MPP2: variants seen among roughly 807,000 people sequenced by gnomAD.
MPP2 encodes the protein MAGUK p55 subfamily member 2.
A neutral mutation model predicts 58.5 loss-of-function variants in MPP2; 42 were observed. The ratio of observed to expected loss-of-function variants is 0.72; its 90% CI spans 0.56 to 0.93. The LOEUF is 0.93. Among genes scored for constraint, MPP2 ranks in the 40% least tolerant of loss-of-function variants. The pLI is 0.00. For missense variants in MPP2, 632 were observed against 760.4 expected (o/e 0.83, Z 1.99); for synonymous variants, 300 against 307.8 (o/e 0.97, Z 0.26).
intron 2 of MPP2, chr17:43,901,563 G>A (rs945840775): frequency 9.1e-6 from 9 of 985,444 alleles, no homozygotes; most frequent in Admixed American, 1.2e-4. Context: ...GCACCAGGTC[G>A]CATTGCACCC....
chr17:43,903,570 C>T (rs2048180123), intron 2 of MPP2, among the ~76,000 whole-genome samples: 1 of 152,030 alleles, frequency 6.6e-6, no homozygotes, highest in Non-Finnish European at 1.5e-5. Flanking sequence ...ACCTGTAGTC[C>T]CAGCTACTTG....
At chr17:43,896,439 T>G (rs1045978901) in intron 3 of MPP2, among the ~76,000 whole-genome samples, 4 of 152,030 alleles carry the variant, frequency 2.6e-5, no homozygotes, top group Non-Finnish European at 5.9e-5. Context: ...GACCTTGGTC[T>G]TTTTCTCTTC....
chr17:43,880,871 C>T lies in MPP2; in HGVS notation c.989-19G>A, dbSNP rs758824132. On this transcript the variant is annotated intron_variant, in intron 9 of 12. Coordinates refer to ENST00000269095, the MANE Select transcript of MPP2 (RefSeq NM_005374.5). The surrounding 1 kb of genome is among the most constrained non-coding windows in gnomAD (Gnocchi z 5.2). ...TCAAACTCTGGACACAGGGAGATGG[C>T]GCTGCTCACCAGGCTGCACGGTGAG... The T allele has an allele frequency of 5.0e-6, 8 of 1,584,428 alleles. No individual in the cohort carries two copies. The highest frequency in any genetic ancestry group is 3.5e-5 in the South Asian group (3 of 86,834).
rs753599692 is a variant in MPP2 at position 43,879,969 on chromosome 17, G to A, written c.1166C>T (p.Pro389Leu). 4.3e-5 allele frequency: 69 copies of A among 1,613,894 alleles called. No homozygotes were observed. The highest frequency in any genetic ancestry group is 5.0e-5 in the Non-Finnish European group (59 of 1,179,994). Residue 389 changes from proline (P) to leucine (L), a missense_variant, in exon 11 of 13, where the codon CCG (proline) becomes CTG (leucine). Pro to Leu is a moderately conservative substitution (Grantham distance 98, BLOSUM62 -3). Coordinates refer to ENST00000269095, the MANE Select transcript of MPP2 (RefSeq NM_005374.5). This position sits in a 1 kb window ranked among gnomAD's most constrained non-coding sequence, Gnocchi z 4.1. The stretch of plus-strand genomic sequence containing the variant: ...CTGACCTTCCCGCTCTGAGTCTTTC[G>A]GCCGCCGGGAGGTGTCTAGGGGGAT... ...GTTVPYTSRR[P>L]KDSEREGQGY... is the part of the protein sequence containing the mutation.
Position 43,882,213 on chromosome 17 carries a change from G to A in MPP2, c.681+71C>T, listed in dbSNP as rs555656219. 2.2e-5 allele frequency: 31 copies of A among 1,413,124 alleles called. 1 individual carries two copies. The Admixed American group carries it at 4.3e-4, about 19-fold the overall frequency. The allele number at this position is 1,413,124 out of a possible 1,614,324, so 87.5% of individuals were successfully genotyped here. A position where few individuals can be genotyped will look rare whatever the true frequency, so the allele number is the denominator to read the frequency against. ...AAACCAGTAGGAGAGGAGGGCCTCC[G>A]TGAGACCTGCAACCTTGACAGCCAG... On this transcript the variant is annotated intron_variant, in intron 6 of 12. Coordinates refer to ENST00000269095, the MANE Select transcript of MPP2 (RefSeq NM_005374.5).
intron 3 of MPP2, among the ~76,000 whole-genome samples, chr17:43,885,710 A>G (rs571210962): frequency 1.3e-5 from 2 of 152,316 alleles, no homozygotes; most frequent in Admixed American, 6.5e-5. Flanking sequence ...TCACAAATCT[A>G]TTAGTAAAAA....
At chr17:43,898,198 C>T (rs758254308) in intron 3 of MPP2, 64 bp downstream of exon 3, 2 of 1,241,088 alleles carry the variant, frequency 1.6e-6, no homozygotes, top group South Asian at 1.2e-5. Flanking sequence ...TAGCTAATAC[C>T]CCATCCCCTA....
intron 2 of MPP2, among the ~76,000 whole-genome samples, chr17:43,899,449 C>T (rs1038651061): frequency 5.9e-5 from 9 of 152,164 alleles, no homozygotes; most frequent in African/African-American, 2.2e-4. Context: ...AGTCTAAGCA[C>T]CACTAATTCA....
chr17:43,882,969 G>T lies in MPP2; in HGVS notation c.387C>A (p.Ser129Arg), dbSNP rs761326322. ...CAGCATCGGGAGGTACAGGCTGGTT[G>T]CTGAATGTAGGGTCCAGGCCAGGGC... ...PPSPGLDPTFSNQPVPPDAVR... is the reference protein window; with the variant it reads ...PPSPGLDPTFRNQPVPPDAVR... Residue 129 changes from serine (S) to arginine (R), a missense_variant, in exon 5 of 13, where the codon AGC becomes AGA. Coordinates refer to ENST00000269095, the MANE Select transcript of MPP2 (RefSeq NM_005374.5). 2.5e-6 allele frequency: 4 copies of T among 1,614,046 alleles called. No individual in the cohort carries two copies. In the African/African-American group the frequency reaches 4.0e-5, roughly 16 times the overall value.
At chr17:43,891,962 T>A (rs2047625685) in intron 3 of MPP2, among the ~76,000 whole-genome samples, 1 of 152,224 alleles carries the variant, frequency 6.6e-6, no homozygotes, top group Admixed American at 6.5e-5. Context: ...AATTTCTGAA[T>A]GTCCCCTGCC....
At chr17:43,881,417 T>C (rs543822481) in intron 7 of MPP2, 41 bp downstream of exon 7, 2 of 1,613,984 alleles carry the variant, frequency 1.2e-6, no homozygotes, top group East Asian at 2.2e-5. Context: ...CGCCCTCCCA[T>C]GCACCATACC....
At chr17:43,885,543 T>C (rs2047329811) in intron 3 of MPP2, among the ~76,000 whole-genome samples, 2 of 152,222 alleles carry the variant, frequency 1.3e-5, no homozygotes, top group African/African-American at 4.8e-5. Flanking sequence ...CCAAATAAAA[T>C]TAAAGGATTT....
intron 2 of MPP2, chr17:43,900,738 G>T (rs565011716): frequency 4.7e-6 from 5 of 1,072,784 alleles, no homozygotes; most frequent in African/African-American, 3.2e-5. Context: ...CTGGCGCTGC[G>T]CGGTGCAGAG....
At chr17:43,891,675 C>A (rs572693398) in intron 3 of MPP2, among the ~76,000 whole-genome samples, 29 of 152,180 alleles carry the variant, frequency 1.9e-4, no homozygotes, top group Non-Finnish European at 4.3e-4. Context: ...GTGGGAGGAT[C>A]ACTTGAGCTC....
chr17:43,881,023 T>A, intron 9 of MPP2, 67 bp downstream of exon 9: 6 of 1,574,842 alleles, frequency 3.8e-6, no homozygotes, highest in Non-Finnish European at 5.2e-6. Flanking sequence ...TCACAGGTGA[T>A]GGGTGGGGAC....
At chr17:43,895,773 G>A (rs2047816646) in intron 3 of MPP2, among the ~76,000 whole-genome samples, 1 of 151,814 alleles carries the variant, frequency 6.6e-6, no homozygotes, top group Non-Finnish European at 1.5e-5. Context: ...GAGTAGCTGG[G>A]ACTACAGGTG....
At chr17:43,903,819 C>T (rs1261009699) in intron 2 of MPP2, among the ~76,000 whole-genome samples, 3 of 152,220 alleles carry the variant, frequency 2.0e-5, no homozygotes, top group African/African-American at 7.2e-5. Context: ...AGAAGAAATG[C>T]GAGCTCCAAG....
intron 3 of MPP2, among the ~76,000 whole-genome samples, chr17:43,886,626 C>T (rs1002606116): frequency 2.6e-5 from 4 of 152,120 alleles, no homozygotes; most frequent in Admixed American, 1.3e-4. Context: ...CAAATACATA[C>T]GTAATTTTCT....
chr17:43,879,860 G>A lies in MPP2; in HGVS notation c.1275C>T (p.Asn425=), dbSNP rs750151534. 3 of 1,614,032 alleles carry A rather than the reference G, an allele frequency of 1.9e-6. No homozygotes were observed. The East Asian group carries it at 6.7e-5, about 36-fold the overall frequency. ...TGGAGTCAATACGTGTGCCATACAG[G>A]TTGCCCTCGTATTCGCCATGCTCCA... ...RYLEHGEYEG[N]LYGTRIDSIR... Residue 425 remains asparagine, a synonymous_variant, in exon 11 of 13, where the codon AAC becomes AAT. Transcript: ENST00000269095. The surrounding 1 kb of genome is among the most constrained non-coding windows in gnomAD (Gnocchi z 4.1).
Sources: allele counts gnomAD v4.1 joint callset (sites outside exome capture counted in the v4.1 genomes callset), GRCh38; gene constraint gnomAD v4.1.1; non-coding constraint Gnocchi (gnomAD v3.1); transcripts MANE v1.5; gene names NCBI Gene and HGNC (gene_info 2026-07-23, HGNC 2026-07-21).